Variants in PCCB observed in about 807,000 individuals in gnomAD.
The protein encoded by PCCB is propionyl-CoA carboxylase subunit beta.
In PCCB, 43 loss-of-function variants were observed where a neutral mutation model predicts 60.7. That is an observed-to-expected ratio of 0.71 (90% CI 0.55 to 0.91). The LOEUF (loss-of-function observed/expected upper bound fraction) is 0.91. Ranked by LOEUF, PCCB falls within the 40% of genes least tolerant of loss-of-function variation. The pLI is 0.00. For synonymous variants in PCCB, 276 were observed against 255.9 expected (o/e 1.08, Z -0.75); for missense variants, 766 against 702.8 (o/e 1.09, Z -1.02).
rs61543332 is a variant in PCCB at position 136,285,088 on chromosome 3, C to CA, written c.654+1161dup. On this transcript the variant is annotated intron_variant, in intron 6 of 14. Transcript: ENST00000251654. ...TGGGTGACAGAGGAAGACCCTGCCT[C>CA]AAAAAAAAAAAAAAAAAAAAGGTAA... 4.4e-3 allele frequency among the ~76,000 whole-genome samples: 466 copies of CA among 107,122 alleles called. 3 individuals are homozygous for CA. Among genetic ancestry groups the CA allele is most frequent in the Non-Finnish European group, 6.5e-3 (343 of 53,156 alleles). 70.3% of individuals were successfully genotyped at this position (107,122 alleles called of 152,430 possible). A position where few individuals can be genotyped will look rare whatever the true frequency, so the allele number is the denominator to read the frequency against.
At chr3:136,324,222 A>G (rs1380192552) in intron 10 of PCCB, among the ~76,000 whole-genome samples, 1 of 152,148 alleles carries the variant, frequency 6.6e-6, no homozygotes, top group Non-Finnish European at 1.5e-5. Flanking sequence ...TTAGGATTAC[A>G]GGTGTGAGCC....
Position 136,297,817 on chromosome 3 carries a change from TGGA to T in PCCB, c.764-132_764-130del, listed in dbSNP as rs1934003112. On this transcript the variant is annotated intron_variant, in intron 7 of 14. Transcript: ENST00000251654. ...GTATTATGTGGCATTACATCCTCAG[TGGA>T]GGGTGCAGAGAACAGAGCTATCAGC... The T allele has an allele frequency of 3.1e-5, 28 of 904,768 alleles. 1 individual carries two copies. The South Asian group carries it at 3.7e-4, about 12-fold the overall frequency. The allele number at this position is 904,768 out of a possible 1,614,324, so 56.0% of individuals were successfully genotyped here.
chr3:136,253,291 A>G (rs1261518144), intron 1 of PCCB, among the ~76,000 whole-genome samples: 2 of 151,328 alleles, frequency 1.3e-5, no homozygotes, highest in African/African-American at 2.4e-5. Context: ...GGGTTTCACC[A>G]TGTTAGCCAG....
chr3:136,326,451 C>T lies in PCCB; in HGVS notation c.1091-352C>T, dbSNP rs1441433731. ...GGCACGTTGCCATCATCAGTGGAGC[C>T]AGAATCTGATTGGAAGCTCTGAGGA... On this transcript the variant is annotated intron_variant, in intron 10 of 14. Coordinates refer to ENST00000251654, the MANE Select transcript of PCCB (RefSeq NM_000532.5). The T allele has an allele frequency of 5.7e-6, 4 of 700,314 alleles. No individual in the cohort carries two copies. The East Asian group carries it at 1.1e-4, about 19-fold the overall frequency. 43.4% of individuals were successfully genotyped at this position (700,314 alleles called of 1,614,324 possible).
chr3:136,326,765 G>C (rs755313832), intron 10 of PCCB, 38 bp from the exon 11 acceptor site: 1 of 1,355,336 alleles, frequency 7.4e-7, no homozygotes, highest in Non-Finnish European at 1.1e-6. Flanking sequence ...ACTGGGAATT[G>C]CCTGGATACT....
intron 5 of PCCB, among the ~76,000 whole-genome samples, chr3:136,270,924 T>C (rs1942181457): frequency 6.6e-6 from 1 of 152,206 alleles, no homozygotes; most frequent in Non-Finnish European, 1.5e-5. Flanking sequence ...TGTTGGCCAT[T>C]TGTATATCTT....
intron 9 of PCCB, among the ~76,000 whole-genome samples, chr3:136,311,202 C>G (rs543203773): frequency 6.6e-6 from 1 of 152,062 alleles, no homozygotes; most frequent in Non-Finnish European, 1.5e-5. Flanking sequence ...TAAAACAATA[C>G]TTGAGGAACA....
chr3:136,327,553 T>G, intron 12 of PCCB, 81 bp from the exon 13 acceptor site: 1 of 1,099,058 alleles, frequency 9.1e-7, no homozygotes. Flanking sequence ...TTGTCCCAAT[T>G]TTACCTGGTT....
At position 136,330,071 on chromosome 3, in the gene PCCB, C is replaced by T. The variant is rs749266840; in HGVS notation, c.*45C>T. On this transcript the variant is annotated 3_prime_UTR_variant, in exon 15 of 15. Coordinates refer to ENST00000251654, the MANE Select transcript of PCCB (RefSeq NM_000532.5). Reference sequence around the variant, plus strand: ...ACCAAGAACTGAATTACTGTCTGCCCATTCACATCCCATTCCTGCCTTTTG... The same window carrying T: ...ACCAAGAACTGAATTACTGTCTGCCTATTCACATCCCATTCCTGCCTTTTG... 10 of 1,612,864 alleles carry T rather than the reference C, an allele frequency of 6.2e-6. No individual in the cohort carries two copies. Among genetic ancestry groups the T allele is most frequent in the Non-Finnish European group, 8.5e-6 (10 of 1,179,384 alleles).
intron 5 of PCCB, among the ~76,000 whole-genome samples, chr3:136,279,230 TA>T (rs1942410829): frequency 6.6e-6 from 1 of 152,218 alleles, no homozygotes; most frequent in African/African-American, 2.4e-5. Context: ...ATTCTGTCTG[TA>T]TGCAATCTGT....
chr3:136,284,745 T>C (rs758311540), intron 6 of PCCB, among the ~76,000 whole-genome samples: 1 of 152,134 alleles, frequency 6.6e-6, no homozygotes. Context: ...CTTAGTGATA[T>C]ACCGAAAGTA....
At chr3:136,284,835 C>T (rs1459234513) in intron 6 of PCCB, among the ~76,000 whole-genome samples, 1 of 152,118 alleles carries the variant, frequency 6.6e-6, no homozygotes, top group Non-Finnish European at 1.5e-5. Context: ...CGCCTGTAAT[C>T]CCAGCACTTG....
At chr3:136,280,338 T>A (rs936661033) in intron 5 of PCCB, among the ~76,000 whole-genome samples, 3 of 152,208 alleles carry the variant, frequency 2.0e-5, no homozygotes, top group Non-Finnish European at 4.4e-5. Context: ...CCAGTTATTT[T>A]GTTTCAATAC....
At chr3:136,250,631 C>T in intron 1 of PCCB, 73 bp downstream of exon 1, 1 of 1,436,058 alleles carries the variant, frequency 7.0e-7, no homozygotes, top group Non-Finnish European at 9.4e-7. Flanking sequence ...CGGCTTGCGG[C>T]GTCCGAGGCC....
chr3:136,293,956 T>C (rs1015840807), intron 7 of PCCB, 92 bp downstream of exon 7: 1 of 781,168 alleles, frequency 1.3e-6, no homozygotes, highest in Non-Finnish European at 2.3e-6. Context: ...GAAATATTAC[T>C]TAATTGGCAG....
chr3:136,251,205 A>G (rs1941506535), intron 1 of PCCB: 1 of 456,458 alleles, frequency 2.2e-6, no homozygotes, highest in Non-Finnish European at 4.4e-6. Context: ...TGGACTGAGC[A>G]GTTGAAACAC....
chr3:136,251,250 C>T (rs753549044), intron 1 of PCCB: 25 of 456,554 alleles, frequency 5.5e-5, no homozygotes, highest in Non-Finnish European at 1.1e-4. Context: ...GGCGAGAATC[C>T]AGCTGGCCTT....
intron 5 of PCCB, among the ~76,000 whole-genome samples, chr3:136,263,779 A>C (rs2108149656): frequency 6.6e-6 from 1 of 152,262 alleles, no homozygotes; most frequent in Admixed American, 6.5e-5. Flanking sequence ...TGGGAGGCCA[A>C]GGCAGGTAGA....
chr3:136,269,416 TA>T (rs1167387914), intron 5 of PCCB, among the ~76,000 whole-genome samples: 9 of 152,176 alleles, frequency 5.9e-5, no homozygotes, highest in Admixed American at 2.0e-4. Context: ...TTAGCTTGAA[TA>T]GGGGGTGTGT....
Sources: gnomAD v4.1 joint callset for allele counts (sites outside exome capture counted in the v4.1 genomes callset) on GRCh38, gnomAD v4.1.1 for gene constraint, MANE v1.5 for transcripts, NCBI Gene and HGNC (gene_info 2026-07-23, HGNC 2026-07-21) for gene names.